Variants in EPHA6 observed in about 807,000 individuals in gnomAD.
EPHA6 encodes the protein EPH receptor A6.
Under a neutral mutation model 112.0 loss-of-function variants are expected in EPHA6, and 50 were observed. The ratio of observed to expected loss-of-function variants is 0.45; its 90% CI spans 0.36 to 0.56. The LOEUF is 0.56. Among genes scored for constraint, EPHA6 ranks in the 20% least tolerant of loss-of-function variants. EPHA6 has a pLI of 0.00. For synonymous variants in EPHA6, 529 were observed against 490.7 expected, an observed-to-expected ratio of 1.08 and a Z score of -1.03; for missense variants, 1,280 against 1,417.4, an observed-to-expected ratio of 0.90 and a Z score of 1.56.
intron 5 of EPHA6, among the ~76,000 whole-genome samples, chr3:97,355,936 G>A (rs2084050231): frequency 1.3e-5 from 2 of 152,178 alleles, no homozygotes. Flanking sequence ...AAGAGACAAA[G>A]AAGGTCATTA....
intron 5 of EPHA6, among the ~76,000 whole-genome samples, chr3:97,275,153 A>T (rs2080027920): frequency 6.6e-6 from 1 of 152,184 alleles, no homozygotes; most frequent in South Asian, 2.1e-4. Context: ...CTGTGTAAGA[A>T]TTCTGACCAC....
chr3:97,053,565 T>C (rs565646812), intron 3 of EPHA6, among the ~76,000 whole-genome samples: 2 of 152,112 alleles, frequency 1.3e-5, no homozygotes, highest in South Asian at 4.2e-4. Flanking sequence ...AACCAAGAAA[T>C]GTTATGCAAG....
In EPHA6 at chr3:97,757,156, G is replaced by A. The variant is rs901909730; in HGVS notation, c.*8455G>A. 6.6e-6 allele frequency among the ~76,000 whole-genome samples: 1 copy of A among 151,770 alleles called. No individual in the cohort carries two copies. The highest frequency in any genetic ancestry group is 2.4e-5 in the African/African-American group (1 of 41,392). ...ACACTAAAAGGTAATACAGTACAAA[G>A]AGGAGTTTGTTTTAAAATTGTTACT... On this transcript the variant is annotated 3_prime_UTR_variant, in exon 18 of 18. Coordinates refer to ENST00000389672, the MANE Select transcript of EPHA6 (RefSeq NM_001080448.3).
Position 97,374,348 on chromosome 3 carries a change from A to G in EPHA6, c.1607-30802A>G, listed in dbSNP as rs555080213. On this transcript the variant is annotated intron_variant, in intron 5 of 17. Coordinates refer to ENST00000389672, the MANE Select transcript of EPHA6 (RefSeq NM_001080448.3). ...ATCATGAATCAGTTGCCAAATTACC[A>G]TCTTGTTTTGGTACCTCTTATGATC... Among the ~76,000 whole-genome samples the G allele has an allele frequency of 8.5e-5, 13 of 152,072 alleles. No homozygotes were observed. The South Asian group carries it at 1.2e-3, about 15-fold the overall frequency.
chr3:97,747,969 G>A (rs538039343), intron 17 of EPHA6, among the ~76,000 whole-genome samples: 12 of 151,918 alleles, frequency 7.9e-5, no homozygotes, highest in African/African-American at 2.7e-4. Flanking sequence ...TATTATAATG[G>A]TCAACCATTT....
chr3:97,696,981 G>T (rs2033085602), intron 14 of EPHA6, among the ~76,000 whole-genome samples: 1 of 152,132 alleles, frequency 6.6e-6, no homozygotes, highest in African/African-American at 2.4e-5. Flanking sequence ...AGCAAAATAT[G>T]GTTGTTCATC....
intron 1 of EPHA6, among the ~76,000 whole-genome samples, chr3:96,859,444 C>T (rs534055154): frequency 1.0e-4 from 15 of 149,004 alleles, no homozygotes; most frequent in Non-Finnish European, 1.9e-4. Flanking sequence ...TGTAGTGGTG[C>T]AATCATGGCT....
intron 10 of EPHA6, among the ~76,000 whole-genome samples, chr3:97,524,825 G>C (rs1445046299): frequency 6.6e-6 from 1 of 152,068 alleles, no homozygotes; most frequent in Non-Finnish European, 1.5e-5. Flanking sequence ...GGTTTCTGTT[G>C]AGAAGTCATG....
chr3:97,542,601 T>C (rs1231433124), intron 11 of EPHA6, among the ~76,000 whole-genome samples: 1 of 152,236 alleles, frequency 6.6e-6, no homozygotes, highest in African/African-American at 2.4e-5. Flanking sequence ...ATCCTTTGGG[T>C]ATATACCCAG....
intron 12 of EPHA6, among the ~76,000 whole-genome samples, chr3:97,603,203 T>C (rs1383270207): frequency 1.3e-5 from 2 of 151,980 alleles, no homozygotes; most frequent in African/African-American, 4.8e-5. Flanking sequence ...ACACTTTTAG[T>C]TAAGAAGAAA....
intron 3 of EPHA6, among the ~76,000 whole-genome samples, chr3:97,026,172 A>AG: frequency 7.2e-6 from 1 of 138,772 alleles, no homozygotes; most frequent in East Asian, 2.1e-4. Context: ...TGGTTACTGG[A>AG]GCACTGTAGT....
intron 5 of EPHA6, among the ~76,000 whole-genome samples, chr3:97,274,289 T>C (rs895149877): frequency 3.9e-5 from 6 of 152,006 alleles, no homozygotes; most frequent in African/African-American, 7.3e-5. Flanking sequence ...AAACTGGCCA[T>C]GAGGGACAGA....
chr3:97,144,269 T>C (rs2108359585), intron 3 of EPHA6, among the ~76,000 whole-genome samples: 1 of 151,858 alleles, frequency 6.6e-6, no homozygotes, highest in African/African-American at 2.4e-5. Flanking sequence ...TTTGAGTATC[T>C]TTTCCTTTTG....
At chr3:96,886,095 T>C (rs1468735062) in intron 2 of EPHA6, among the ~76,000 whole-genome samples, 1 of 152,220 alleles carries the variant, frequency 6.6e-6, no homozygotes, top group Non-Finnish European at 1.5e-5. Flanking sequence ...GAGTGCTTGA[T>C]ATAGTCTGTT....
intron 5 of EPHA6, among the ~76,000 whole-genome samples, chr3:97,321,803 G>T (rs569032776): frequency 1.3e-5 from 2 of 152,148 alleles, no homozygotes; most frequent in South Asian, 2.1e-4. Context: ...CTATAGACTA[G>T]CTTCAAAGCA....
rs2035229181 is a variant in EPHA6 at position 97,735,848 on chromosome 3, G to A, written c.2935-77G>A. On this transcript the variant is annotated intron_variant, in intron 15 of 17. Transcript: ENST00000389672. Reference sequence around the variant, plus strand: ...GCTTACCATTATTTTGGCTTCTTCTGCTTGTAAAAAAAGAAATTATAGCAT... The same window carrying A: ...GCTTACCATTATTTTGGCTTCTTCTACTTGTAAAAAAAGAAATTATAGCAT... 4 of 1,115,930 alleles carry A rather than the reference G, an allele frequency of 3.6e-6. No individual in the cohort carries two copies. The South Asian group carries it at 9.9e-5, about 28-fold the overall frequency. 69.1% of individuals were successfully genotyped at this position (1,115,930 alleles called of 1,614,324 possible).
At chr3:97,569,795 G>T (rs928787007) in intron 11 of EPHA6, 8 of 152,130 alleles carry the variant, frequency 5.3e-5, no homozygotes, top group Admixed American at 5.2e-4. Flanking sequence ...TGGTACTTCA[G>T]TTTCTAGGAT....
Position 97,124,467 on chromosome 3 carries a change from A to T in EPHA6, c.1115-101797A>T, listed in dbSNP as rs537632697. 5.0e-4 allele frequency among the ~76,000 whole-genome samples: 70 copies of T among 140,420 alleles called. 2 individuals are homozygous for T. The East Asian group carries it at 0.015, about 30-fold the overall frequency. 92.1% of individuals were successfully genotyped at this position (140,420 alleles called of 152,430 possible). On this transcript the variant is annotated intron_variant, in intron 3 of 17. Coordinates refer to ENST00000389672, the MANE Select transcript of EPHA6 (RefSeq NM_001080448.3). ...AATGATTAGAGAGGCATTCTGTTTA[A>T]AAAAAGAAAGAAAGAAAGAAAGAAA...
rs565852920 is a variant in EPHA6 at position 97,244,099 on chromosome 3, G to A, written c.1418G>A (p.Cys473Tyr). The A allele has an allele frequency of 1.1e-5, 18 of 1,612,914 alleles. No individual in the cohort carries two copies. Among genetic ancestry groups the A allele is most frequent in the Admixed American group, 5.0e-5 (3 of 59,802 alleles). ...AAATGTGGCTTAGACACCAGCCAGTGTGAGGACTGTGGTGGAGGACTCCGC... is the reference window on the plus strand; with the variant it reads ...AAATGTGGCTTAGACACCAGCCAGTATGAGGACTGTGGTGGAGGACTCCGC... The part of the protein sequence containing the change: ...CKKCGLDTSQ[C>Y]EDCGGGLRFI... Residue 473 changes from cysteine to tyrosine, a missense_variant, in exon 5 of 18, where the codon TGT becomes TAT. Transcript: ENST00000389672.
Sources: gnomAD v4.1 joint callset for allele counts (sites outside exome capture counted in the v4.1 genomes callset) on GRCh38, gnomAD v4.1.1 for gene constraint, MANE v1.5 for transcripts, NCBI Gene and HGNC (gene_info 2026-07-23, HGNC 2026-07-21) for gene names.